Variants in MSRA observed in about 807,000 individuals in gnomAD.
MSRA encodes the protein mitochondrial peptide methionine sulfoxide reductase.
Under a neutral mutation model 31.3 loss-of-function variants are expected in MSRA, and 54 were observed. The observed-to-expected ratio is 1.73, with a 90% confidence interval of 1.39 to 2.17. The LOEUF is 2.17. MSRA is among the 30% of genes most tolerant of loss of function. MSRA has a pLI of 0.00. For missense variants in MSRA, 507 were observed against 300.9 expected, an observed-to-expected ratio of 1.69 and a Z score of -5.07; for synonymous variants, 169 against 116.5, an observed-to-expected ratio of 1.45 and a Z score of -2.90.
At chr8:10,112,584 G>C (rs57611211) in intron 1 of MSRA, among the ~76,000 whole-genome samples, 8,842 of 152,230 alleles carry the variant, frequency 0.058, 416 homozygotes, top group African/African-American at 0.13. Context: ...TGATTACATG[G>C]AATACTCATG....
intron 5 of MSRA, among the ~76,000 whole-genome samples, chr8:10,369,819 T>G (rs771509731): frequency 6.6e-6 from 1 of 152,160 alleles, no homozygotes; most frequent in Admixed American, 6.5e-5. Context: ...AAAATACATA[T>G]GAGAATTATT....
chr8:10,111,104 G>A (rs1800245525), intron 1 of MSRA, among the ~76,000 whole-genome samples: 1 of 152,140 alleles, frequency 6.6e-6, no homozygotes, highest in African/African-American at 2.4e-5. Context: ...TAGTCTCCCA[G>A]TAGGACAAAA....
At chr8:10,258,187 C>A (rs1798283094) in intron 3 of MSRA, among the ~76,000 whole-genome samples, 1 of 152,176 alleles carries the variant, frequency 6.6e-6, no homozygotes, top group Non-Finnish European at 1.5e-5. Flanking sequence ...TAGTAAGCGG[C>A]AGAGCCAGAA....
intron 1 of MSRA, among the ~76,000 whole-genome samples, chr8:10,148,831 A>C (rs1585034007): frequency 6.4e-4 from 1 of 1,556 alleles, no homozygotes; most frequent in African/African-American, 1.5e-3. Context: ...ACTCTGTCTC[A>C]AAAAAAAAAA....
chr8:10,159,938 A>C (rs1804492213), intron 1 of MSRA, among the ~76,000 whole-genome samples: 1 of 152,228 alleles, frequency 6.6e-6, no homozygotes, highest in African/African-American at 2.4e-5. Flanking sequence ...GGAAGAAACG[A>C]CTTATAAAGT....
intron 5 of MSRA, chr8:10,336,704 A>G (rs1409165193): frequency 2.6e-5 from 4 of 152,208 alleles, no homozygotes; most frequent in African/African-American, 9.6e-5. Flanking sequence ...ATGATAAATT[A>G]CAAGTCTGTA....
At chr8:10,339,131 T>A (rs1000483945) in intron 5 of MSRA, among the ~76,000 whole-genome samples, 1 of 152,204 alleles carries the variant, frequency 6.6e-6, no homozygotes, top group Non-Finnish European at 1.5e-5. Flanking sequence ...AAAATTTTCA[T>A]TGATCTCCTC....
chr8:10,120,627 C>G (rs963155932), intron 1 of MSRA, among the ~76,000 whole-genome samples: 2 of 152,198 alleles, frequency 1.3e-5, no homozygotes, highest in Admixed American at 1.3e-4. Flanking sequence ...TGGATGTGCT[C>G]AGGATACCCA....
chr8:10,099,460 C>T (rs1799394652), intron 1 of MSRA, among the ~76,000 whole-genome samples: 1 of 152,096 alleles, frequency 6.6e-6, no homozygotes, highest in Non-Finnish European at 1.5e-5. Flanking sequence ...AATGTAGGTA[C>T]CTTTTCAGGT....
At chr8:10,410,272 C>T (rs891654490) in intron 5 of MSRA, among the ~76,000 whole-genome samples, 1 of 152,158 alleles carries the variant, frequency 6.6e-6, no homozygotes, top group African/African-American at 2.4e-5. Context: ...CAGGCTAGGT[C>T]TTCCAAGGAC....
At position 10,419,806 on chromosome 8, in the gene MSRA, C is replaced by T. The variant is rs551167058; in HGVS notation, c.544-8342C>T. Among the ~76,000 whole-genome samples, 13 of 152,310 alleles carry T rather than the reference C, an allele frequency of 8.5e-5. No individual in the cohort carries two copies. In the East Asian group the frequency reaches 2.5e-3, roughly 29 times the overall value. ...CATCAGGTGACCCAGGACAAGCTCT[C>T]TGTTAGCTTTCTGTCTTTATAATGG... On this transcript the variant is annotated intron_variant, in intron 5 of 5. Coordinates refer to ENST00000317173, the MANE Select transcript of MSRA (RefSeq NM_012331.5).
At chr8:10,240,759 G>A (rs1254525904) in intron 2 of MSRA, among the ~76,000 whole-genome samples, 1 of 152,108 alleles carries the variant, frequency 6.6e-6, no homozygotes, top group African/African-American at 2.4e-5. Flanking sequence ...CCACTCTAGA[G>A]TAAGGCTGCA....
At chr8:10,290,999 G>C (rs1275885862) in intron 3 of MSRA, among the ~76,000 whole-genome samples, 3 of 152,166 alleles carry the variant, frequency 2.0e-5, no homozygotes, top group Non-Finnish European at 4.4e-5. Flanking sequence ...CAAAGGGTTA[G>C]CATTGGGTGC....
intron 1 of MSRA, among the ~76,000 whole-genome samples, chr8:10,194,473 G>C (rs1461052626): frequency 1.3e-5 from 2 of 152,202 alleles, no homozygotes; most frequent in African/African-American, 4.8e-5. Context: ...GGCTGAGGCA[G>C]GAAAATGGCT....
intron 1 of MSRA, among the ~76,000 whole-genome samples, chr8:10,165,063 C>G (rs938319376): frequency 5.3e-5 from 8 of 152,028 alleles, no homozygotes; most frequent in African/African-American, 7.2e-5. Flanking sequence ...GCATCCTAGA[C>G]CAATTAAATC....
intron 5 of MSRA, among the ~76,000 whole-genome samples, chr8:10,412,964 A>T (rs1808243362): frequency 6.6e-6 from 1 of 152,256 alleles, no homozygotes; most frequent in Admixed American, 6.5e-5. Flanking sequence ...TGAGCCAGCA[A>T]TCCCAGTCCT....
intron 1 of MSRA, among the ~76,000 whole-genome samples, chr8:10,108,788 C>A (rs1035964052): frequency 1.3e-5 from 2 of 150,450 alleles, no homozygotes; most frequent in Non-Finnish European, 3.0e-5. Flanking sequence ...GGTTGGTTGT[C>A]AAATGAGTTG....
chr8:10,159,178 G>C (rs146456347), intron 1 of MSRA, among the ~76,000 whole-genome samples: 1 of 152,178 alleles, frequency 6.6e-6, no homozygotes, highest in African/African-American at 2.4e-5. Context: ...AATACTGTCC[G>C]TAAGAATTTG....
At chr8:10,161,092 C>G (rs1451487600) in intron 1 of MSRA, among the ~76,000 whole-genome samples, 2 of 152,178 alleles carry the variant, frequency 1.3e-5, no homozygotes, top group South Asian at 4.1e-4. Context: ...ACAATATTAT[C>G]AAGCTTCCAG....
Sources: gnomAD v4.1 joint callset for allele counts (sites outside exome capture counted in the v4.1 genomes callset) on GRCh38, gnomAD v4.1.1 for gene constraint, MANE v1.5 for transcripts, NCBI Gene and HGNC (gene_info 2026-07-23, HGNC 2026-07-21) for gene names.